The following ZFHX3 variants were observed in gnomAD, a reference collection of about 807,000 sequenced individuals.
ZFHX3 encodes the protein zinc finger homeobox protein 3.
ZFHX3 carries 42 observed loss-of-function variants against 279.1 expected under a neutral mutation model. The ratio of observed to expected loss-of-function variants is 0.15; its 90% CI spans 0.12 to 0.19. The LOEUF (loss-of-function observed/expected upper bound fraction) is 0.19. ZFHX3 is among the 10% of genes least tolerant of loss of function. The probability of loss-of-function intolerance (pLI) is 1.00; values close to 1 mark genes in which losing one functional copy is unlikely to be tolerated. For missense variants in ZFHX3, 4,981 were observed against 4,754.0 expected (o/e 1.05, Z -1.40); for synonymous variants, 2,293 against 1,957.8 (o/e 1.17, Z -4.52).
chr16:73,001,502 C>T (rs897691593), intron 1 of ZFHX3, among the ~76,000 whole-genome samples: 4 of 152,120 alleles, frequency 2.6e-5, no homozygotes, highest in African/African-American at 9.7e-5. Flanking sequence ...ATACACATCT[C>T]CATTTTGCAA....
At chr16:73,657,482 A>C (rs191288439) in intron 2 of ZFHX3, among the ~76,000 whole-genome samples, 1 of 152,292 alleles carries the variant, frequency 6.6e-6, no homozygotes, top group East Asian at 1.9e-4. Flanking sequence ...TAAAATGTAC[A>C]ATTCATTGGA....
At chr16:73,340,812 C>A (rs545925413) in intron 3 of ZFHX3, among the ~76,000 whole-genome samples, 18 of 152,112 alleles carry the variant, frequency 1.2e-4, no homozygotes, top group Middle Eastern at 3.4e-3. Flanking sequence ...ATAAATGAAC[C>A]CTACAAGTAC....
rs1483159941 is a variant in ZFHX3, at chr16:72,958,074, T to G, written c.2072A>C (p.Lys691Thr). The G allele has an allele frequency of 6.2e-7, 1 of 1,613,930 alleles. No homozygotes were observed. Among genetic ancestry groups the G allele is most frequent in the Non-Finnish European group, 8.5e-7 (1 of 1,180,038 alleles). Reference sequence around the variant, plus strand: ...GCCCCCCGGCTCCGGGTGCTTCTCCTTCATGTGTGCCTCCAGGGTCTGCTG... The same window carrying G: ...GCCCCCCGGCTCCGGGTGCTTCTCCGTCATGTGTGCCTCCAGGGTCTGCTG... ...KYQQTLEAHM[K>T]EKHPEPGGSC... is the part of the protein sequence containing the mutation. Residue 691 changes from lysine to threonine, a missense_variant, in exon 2 of 10, where the codon AAG becomes ACG. By Grantham distance (78) the Lys-to-Thr change is moderately conservative. Around this residue, in one of 7 missense-constraint regions of ZFHX3, gnomAD observed 1,068 missense variants for 935.2 expected, o/e 1.14. Coordinates refer to ENST00000268489, the MANE Select transcript of ZFHX3 (RefSeq NM_006885.4).
chr16:73,700,028 G>A (rs1186674354), intron 1 of ZFHX3, among the ~76,000 whole-genome samples: 4 of 152,132 alleles, frequency 2.6e-5, no homozygotes, highest in Non-Finnish European at 5.9e-5. Context: ...TTCAAGACCA[G>A]CCTGGGTGAC....
chr16:73,367,195 G>A (rs995152311), intron 3 of ZFHX3, among the ~76,000 whole-genome samples: 5 of 151,884 alleles, frequency 3.3e-5, no homozygotes, highest in African/African-American at 1.2e-4. Context: ...ACATTAAATC[G>A]CCACCCAATG....
intron 3 of ZFHX3, among the ~76,000 whole-genome samples, chr16:73,417,021 G>T (rs2017601891): frequency 6.6e-6 from 1 of 151,984 alleles, no homozygotes; most frequent in Non-Finnish European, 1.5e-5. Flanking sequence ...TGACCAAAGG[G>T]ACTATCAGTT....
chr16:73,080,922 G>C (rs978140813), intron 8 of ZFHX3, among the ~76,000 whole-genome samples: 5 of 152,068 alleles, frequency 3.3e-5, no homozygotes, highest in Non-Finnish European at 5.9e-5. Context: ...AAAGAAAAAA[G>C]CTTCAGGTCT....
intron 3 of ZFHX3, among the ~76,000 whole-genome samples, chr16:73,350,354 C>T (rs2016215807): frequency 1.3e-5 from 2 of 152,188 alleles, no homozygotes; most frequent in Non-Finnish European, 2.9e-5. Context: ...ATGTAAATTG[C>T]TGACAGTGTG....
intron 2 of ZFHX3, among the ~76,000 whole-genome samples, chr16:73,676,840 C>A (rs370951281): frequency 6.6e-6 from 1 of 151,818 alleles, no homozygotes. Context: ...AATAAAAATG[C>A]AAGGCAAAAC....
chr16:73,479,439 C>A (rs536294633), intron 2 of ZFHX3, among the ~76,000 whole-genome samples: 102 of 152,252 alleles, frequency 6.7e-4, no homozygotes, highest in African/African-American at 2.2e-3. Flanking sequence ...GCTGGAGATA[C>A]CTTTCTCAGC....
chr16:73,548,135 A>C (rs2020150699), intron 2 of ZFHX3, among the ~76,000 whole-genome samples: 1 of 152,174 alleles, frequency 6.6e-6, no homozygotes, highest in Non-Finnish European at 1.5e-5. Flanking sequence ...CAGACTGATA[A>C]TTTTGTAGTT....
At chr16:73,116,307 A>G (rs1966433039) in intron 7 of ZFHX3, among the ~76,000 whole-genome samples, 1 of 152,046 alleles carries the variant, frequency 6.6e-6, no homozygotes, top group African/African-American at 2.4e-5. Flanking sequence ...TGACTACCTC[A>G]TTAATGGGGA....
chr16:73,042,929 C>A (rs1965168556), intron 1 of ZFHX3, among the ~76,000 whole-genome samples: 2 of 151,902 alleles, frequency 1.3e-5, no homozygotes, highest in South Asian at 4.2e-4. Flanking sequence ...TCATTAGCTT[C>A]CTCCCAGAAA....
At chr16:73,355,123 G>C (rs1053307455) in intron 3 of ZFHX3, among the ~76,000 whole-genome samples, 2 of 152,182 alleles carry the variant, frequency 1.3e-5, no homozygotes, top group Non-Finnish European at 2.9e-5. Flanking sequence ...TCCATTAGGA[G>C]CCAGCTTCCA....
chr16:73,321,510 T>C (rs932558866), intron 3 of ZFHX3, among the ~76,000 whole-genome samples: 111 of 152,252 alleles, frequency 7.3e-4, no homozygotes, highest in African/African-American at 2.6e-3. Context: ...AGTTGCAGCA[T>C]ACAGCATTGT....
At chr16:73,860,361 C>T (rs1472672089) in intron 1 of ZFHX3, among the ~76,000 whole-genome samples, 1 of 151,084 alleles carries the variant, frequency 6.6e-6, no homozygotes, top group Non-Finnish European at 1.5e-5. Context: ...CATTTTGTTT[C>T]TGCTTTCCTT....
At chr16:72,982,617 T>G in intron 1 of ZFHX3, among the ~76,000 whole-genome samples, 1 of 152,228 alleles carries the variant, frequency 6.6e-6, no homozygotes, top group East Asian at 1.9e-4. Context: ...AATATTGAGT[T>G]GCTCCACACA....
chr16:73,439,921 A>C (rs2018058973), intron 3 of ZFHX3, among the ~76,000 whole-genome samples: 1 of 148,550 alleles, frequency 6.7e-6, no homozygotes. Flanking sequence ...AAAAAAAAAA[A>C]AAAAAAAAAA....
chr16:72,869,613 C>T (rs2038106205), intron 4 of ZFHX3, among the ~76,000 whole-genome samples: 1 of 152,104 alleles, frequency 6.6e-6, no homozygotes, highest in South Asian at 2.1e-4. Context: ...AAGTTCTGGC[C>T]TGCTGAATTT....
Sources: gnomAD v4.1 joint callset for allele counts (sites outside exome capture counted in the v4.1 genomes callset) on GRCh38, gnomAD v4.1.1 for gene constraint, gnomAD v4.1.1 regional missense constraint, MANE v1.5 for transcripts, NCBI Gene and HGNC (gene_info 2026-07-23, HGNC 2026-07-21) for gene names.